The following ZNF625 variants were observed in gnomAD, a reference collection of about 807,000 sequenced individuals.
The protein encoded by ZNF625 is zinc finger protein 625.
In ZNF625, 8 loss-of-function variants were observed where a neutral mutation model predicts 11.1. The ratio of observed to expected loss-of-function variants is 0.72; its 90% CI spans 0.42 to 1.30. The LOEUF is 1.30. Among genes scored for constraint, ZNF625 ranks in the 50% most tolerant of loss-of-function variants. The pLI is 0.01. For synonymous variants in ZNF625, 145 were observed against 153.4 expected (o/e 0.95, Z 0.41); for missense variants, 349 against 447.6 (o/e 0.78, Z 1.99).
intron 3 of ZNF625, 96 bp from the exon 4 acceptor site, chr19:12,146,320 G>T: frequency 1.7e-6 from 2 of 1,169,334 alleles, no homozygotes; most frequent in Non-Finnish European, 2.4e-6. Flanking sequence ...ACACTGTACA[G>T]CAATGTGTAG....
intron 1 of ZNF625, among the ~76,000 whole-genome samples, chr19:12,148,974 A>T (rs1439060533): frequency 2.0e-5 from 3 of 151,148 alleles, no homozygotes; most frequent in African/African-American, 7.3e-5. Context: ...ATTTTCAATT[A>T]AAAAAAAATT....
At position 12,156,546 on chromosome 19, in the gene ZNF625, G is replaced by A. The variant is rs1418624821; in HGVS notation, c.3+10C>T. On this transcript the variant is annotated intron_variant, in intron 1 of 3. Coordinates refer to ENST00000439556, the MANE Select transcript of ZNF625 (RefSeq NM_145233.4). ...CCCCCGTCTCGGGACCCCCGGCCCC[G>A]CACACTCACCATTTCCCGGCTTCCA... is the stretch of plus-strand genomic sequence containing the variant. 9.8e-6 allele frequency: 14 copies of A among 1,423,560 alleles called. No individual in the cohort carries two copies. Among genetic ancestry groups the A allele is most frequent in the Middle Eastern group, 1.9e-4 (1 of 5,342 alleles). The allele number at this position is 1,423,560 out of a possible 1,614,324, so 88.2% of individuals were successfully genotyped here.
At chr19:12,154,780 C>T (rs1388607315) in intron 1 of ZNF625, among the ~76,000 whole-genome samples, 1 of 152,176 alleles carries the variant, frequency 6.6e-6, no homozygotes, top group Admixed American at 6.5e-5. Flanking sequence ...ATCAAGTCAA[C>T]TGAGTGGCTC....
Position 12,145,475 on chromosome 19 carries a change from G to T in ZNF625, c.941C>A (p.Ser314Tyr), listed in dbSNP as rs1213545689. 1 of 1,613,926 alleles carries T rather than the reference G, an allele frequency of 6.2e-7. No homozygotes were observed. Among genetic ancestry groups the T allele is most frequent in the Non-Finnish European group, 8.5e-7 (1 of 1,179,986 alleles). Residue 314 changes from serine (S) to tyrosine (Y), a missense_variant, in exon 4 of 4, where the codon TCT becomes TAT. Transcript: ENST00000439556. The part of the protein sequence containing the change: ...ECKQCGKAFR[S>Y]ASHLRTHGRT... ...TCCATGTGTTCGAAGGTGCGAGGCAGATCTGAAGGCTTTCCCACATTGCTT... is the reference window on the plus strand; with the variant it reads ...TCCATGTGTTCGAAGGTGCGAGGCATATCTGAAGGCTTTCCCACATTGCTT...
chr19:12,152,790 C>T (rs933795496), intron 1 of ZNF625, among the ~76,000 whole-genome samples: 1 of 151,238 alleles, frequency 6.6e-6, no homozygotes, highest in Non-Finnish European at 1.5e-5. Context: ...TGCAGTGGGC[C>T]GAGATCATGC....
chr19:12,145,568 G>C lies in ZNF625; in HGVS notation c.848C>G (p.Ala283Gly). The C allele has an allele frequency of 6.2e-7, 1 of 1,610,162 alleles. No homozygotes were observed. Among genetic ancestry groups the C allele is most frequent in the Non-Finnish European group, 8.5e-7 (1 of 1,176,516 alleles). The change falls in exon 4 of 4, where the codon GCC (alanine) becomes GGC (glycine). Residue 283 changes from alanine to glycine, a missense_variant. Coordinates refer to ENST00000439556, the MANE Select transcript of ZNF625 (RefSeq NM_145233.4). Reference sequence around the variant, plus strand: ...TCGAACGGAATTGAAAGAAACAAAGGCTTTCCCACACTGTTTACATTCATA... The same window carrying C: ...TCGAACGGAATTGAAAGAAACAAAGCCTTTCCCACACTGTTTACATTCATA... ...KPYECKQCGK[A>G]FVSFNSVRYH...
At chr19:12,147,533 A>T in intron 2 of ZNF625, 78 bp from the exon 3 acceptor site, 1 of 1,520,002 alleles carries the variant, frequency 6.6e-7, no homozygotes. Context: ...TTCATGGTAC[A>T]CTGCAGCCTT....
chr19:12,146,663 C>T (rs1178015071), intron 3 of ZNF625, among the ~76,000 whole-genome samples: 1 of 152,184 alleles, frequency 6.6e-6, no homozygotes, highest in Non-Finnish European at 1.5e-5. Flanking sequence ...AACTCCTAGA[C>T]TCAAGCAATC....
rs1170123403 is a variant in ZNF625 at position 12,145,626 on chromosome 19, C to T, written c.790G>A (p.Ala264Thr). 6.2e-7 allele frequency: 1 copy of T among 1,612,634 alleles called. No individual in the cohort carries two copies. The highest frequency in any genetic ancestry group is 1.7e-5 in the Admixed American group (1 of 59,876). The change falls in exon 4 of 4, where the codon GCA becomes ACA. Residue 264 changes from alanine (A) to threonine (T), a missense_variant. Ala to Thr is a moderately conservative substitution (Grantham distance 58, BLOSUM62 0). Transcript: ENST00000439556. ...KAFHSSTCLH[A>T]HKITHTGEKP... ...TCCCCAGTGTGAGTTATTTTATGTG[C>T]ATGGAGGCATGTGGAACTATGGAAT...
chr19:12,151,671 G>A (rs958930846), intron 1 of ZNF625, among the ~76,000 whole-genome samples: 4 of 151,786 alleles, frequency 2.6e-5, no homozygotes, highest in African/African-American at 4.8e-5. Context: ...GAGCCACCGC[G>A]CCTGGCCAGT....
At chr19:12,153,598 C>T (rs1357491374) in intron 1 of ZNF625, among the ~76,000 whole-genome samples, 2 of 148,440 alleles carry the variant, frequency 1.3e-5, no homozygotes, top group African/African-American at 4.9e-5. Context: ...GCAGGAGAAT[C>T]GCTTGAACCT....
intron 1 of ZNF625, among the ~76,000 whole-genome samples, chr19:12,148,511 A>G (rs1323472929): frequency 6.6e-6 from 1 of 152,164 alleles, no homozygotes; most frequent in Non-Finnish European, 1.5e-5. Context: ...ATGGTGTAAG[A>G]GAACACCATC....
chr19:12,146,086 T>C lies in ZNF625; in HGVS notation c.330A>G (p.Ala110=). 2.5e-6 allele frequency: 4 copies of C among 1,614,168 alleles called. No homozygotes were observed. Among genetic ancestry groups the C allele is most frequent in the Non-Finnish European group, 3.4e-6 (4 of 1,180,030 alleles). ...KSCGEVSVGH[A]SLNRHHRADT... is the part of the protein sequence containing the mutation. Reference sequence around the variant, plus strand: ...CAGCTCTGTGGTGCCTATTAAGGGATGCATGACCCACGCTGACTTCTCCAC... The same window carrying C: ...CAGCTCTGTGGTGCCTATTAAGGGACGCATGACCCACGCTGACTTCTCCAC... Residue 110 remains alanine (A), a synonymous_variant, in exon 4 of 4, where the codon GCA becomes GCG. Transcript: ENST00000439556.
Position 12,145,273 on chromosome 19 carries a change from T to C in ZNF625, c.*24A>G. ...ACATTTTTACCATGATTGGATTCGG[T>C]GGCTTCTAGGAATCTTATGTGAATT... On this transcript the variant is annotated 3_prime_UTR_variant, in exon 4 of 4. Transcript: ENST00000439556. The C allele has an allele frequency of 1.3e-6, 2 of 1,557,014 alleles. No homozygotes were observed. Among genetic ancestry groups the C allele is most frequent in the Non-Finnish European group, 1.7e-6 (2 of 1,152,802 alleles).
intron 3 of ZNF625, among the ~76,000 whole-genome samples, chr19:12,146,724 G>T (rs995057797): frequency 6.6e-6 from 1 of 152,084 alleles, no homozygotes; most frequent in Non-Finnish European, 1.5e-5. Flanking sequence ...ACACCTGGGC[G>T]CCCGGCCAAC....
intron 1 of ZNF625, among the ~76,000 whole-genome samples, chr19:12,149,502 T>C (rs1049021099): frequency 6.6e-6 from 1 of 151,948 alleles, no homozygotes; most frequent in African/African-American, 2.4e-5. Context: ...AAAAGAAAAA[T>C]ACAGTATGAT....
rs934263531 is a variant in ZNF625, at chr19:12,156,705, T to C, written c.-147A>G. 1.5e-5 allele frequency: 11 copies of C among 723,386 alleles called. No homozygotes were observed. In the African/African-American group the frequency reaches 2.0e-4, roughly 13 times the overall value. The allele number at this position is 723,386 out of a possible 1,614,324, so 44.8% of individuals were successfully genotyped here. A position where few individuals can be genotyped will look rare whatever the true frequency, so the allele number is the denominator to read the frequency against. ...AACCGAGATCCCGACCTCCCTTTGG[T>C]GCAAGACGCCTGGGAGTCAGGAAAG... On this transcript the variant is annotated 5_prime_UTR_variant, in exon 1 of 4. Transcript: ENST00000439556.
rs1189305207 is a variant in ZNF625 at position 12,147,812 on chromosome 19, C to T, written c.4-10G>A. On this transcript the variant is annotated splice_polypyrimidine_tract_variant and intron_variant, in intron 1 of 3. Transcript: ENST00000439556. ...CAAAGACCACTGAATCCTGAAACATCCCACATGTGTAAAGAAACATGGGTG... is the reference window on the plus strand; with the variant it reads ...CAAAGACCACTGAATCCTGAAACATTCCACATGTGTAAAGAAACATGGGTG... 1 of 1,613,292 alleles carries T rather than the reference C, an allele frequency of 6.2e-7. No individual in the cohort carries two copies. The highest frequency in any genetic ancestry group is 1.7e-5 in the Admixed American group (1 of 59,774).
intron 1 of ZNF625, among the ~76,000 whole-genome samples, chr19:12,151,569 C>T (rs1243061982): frequency 2.6e-5 from 4 of 151,956 alleles, no homozygotes; most frequent in Non-Finnish European, 5.9e-5. Context: ...TTAGTAGAGA[C>T]GGGGTTTCAC....
Sources: allele counts gnomAD v4.1 joint callset (sites outside exome capture counted in the v4.1 genomes callset), GRCh38; gene constraint gnomAD v4.1.1; transcripts MANE v1.5; gene names NCBI Gene and HGNC (gene_info 2026-07-23, HGNC 2026-07-21).